ZNF397: variants seen among roughly 807,000 people sequenced by gnomAD.
ZNF397 encodes the protein zinc finger and SCAN domain-containing protein 15.
ZNF397 carries 38 observed loss-of-function variants against 50.6 expected under a neutral mutation model. The ratio of observed to expected loss-of-function variants is 0.75; its 90% confidence interval spans 0.58 to 0.98. The LOEUF is 0.98. ZNF397 is among the 50% of genes least tolerant of loss of function. The pLI, the probability that ZNF397 is intolerant of heterozygous loss-of-function variation, is 0.00. For missense variants in ZNF397, 624 were observed against 624.1 expected, an observed-to-expected ratio of 1.00 and a Z score of 0.00; for synonymous variants, 228 against 215.2, an observed-to-expected ratio of 1.06 and a Z score of -0.52.
intron 1 of ZNF397, among the ~76,000 whole-genome samples, chr18:35,242,075 CTT>C (rs1246227062): frequency 6.6e-6 from 1 of 152,156 alleles, no homozygotes; most frequent in African/African-American, 2.4e-5. Flanking sequence ...TAAAGATAGA[CTT>C]TTCTCCTTGA....
chr18:35,250,339 A>G (rs2043556458), downstream of ZNF397, among the ~76,000 whole-genome samples: 1 of 152,178 alleles, frequency 6.6e-6, no homozygotes, highest in African/African-American at 2.4e-5. Context: ...AAGGGGCACC[A>G]ATATAGGGTG....
chr18:35,257,560 A>C lies in ZNF397; in HGVS notation c.818-368A>C, dbSNP rs951858974. On this transcript the variant is annotated intron_variant, in intron 5 of 5. Transcript: ENST00000261333. Reference sequence around the variant, plus strand: ...AGAAAGTGGGACCTTACCAAATACAAAATCTGCTAGCACCTTGAACTTCTC... The same window carrying C: ...AGAAAGTGGGACCTTACCAAATACACAATCTGCTAGCACCTTGAACTTCTC... 5 of 244,506 alleles carry C rather than the reference A, an allele frequency of 2.0e-5. No individual in the cohort carries two copies. In the South Asian group the frequency reaches 2.1e-4, roughly 10 times the overall value. The allele number at this position is 244,506 out of a possible 1,614,324, so 15.1% of individuals were successfully genotyped here. A position where few individuals can be genotyped will look rare whatever the true frequency, so the allele number is the denominator to read the frequency against.
chr18:35,247,675 T>TTTTTTTG lies in ZNF397; in HGVS notation c.*1371_*1372insGTTTTTT. ...CACAATATCTTTTGCAATTTTTTTT[T>TTTTTTTG]TTTTTTTTTTTTTTTTGAGATGGAG... On this transcript the variant is annotated 3_prime_UTR_variant, in exon 4 of 4. Coordinates refer to ENST00000330501, the MANE Select transcript of ZNF397 (RefSeq NM_001135178.3). The TTTTTTTG allele has an allele frequency of 7.5e-6, 1 of 133,696 alleles. No individual in the cohort carries two copies. The highest frequency in any genetic ancestry group is 1.6e-5 in the Non-Finnish European group (1 of 62,782). 8.3% of individuals were successfully genotyped at this position (133,696 alleles called of 1,614,324 possible). A position where few individuals can be genotyped will look rare whatever the true frequency, so the allele number is the denominator to read the frequency against.
In ZNF397 at chr18:35,247,189, A is replaced by C; in HGVS notation, c.*879A>C. 1.0e-6 allele frequency: 1 copy of C among 985,386 alleles called. No individual in the cohort carries two copies. Among genetic ancestry groups the C allele is most frequent in the Non-Finnish European group, 1.2e-6 (1 of 829,886 alleles). 61.0% of individuals were successfully genotyped at this position (985,386 alleles called of 1,614,324 possible). Reference sequence around the variant, plus strand: ...GAAGTCTGGGTCTGGCCAGACTCTTAAGCAGTGCCAATGGAGAAGTTCCTG... The same window carrying C: ...GAAGTCTGGGTCTGGCCAGACTCTTCAGCAGTGCCAATGGAGAAGTTCCTG... On this transcript the variant is annotated 3_prime_UTR_variant, in exon 4 of 4. Transcript: ENST00000330501.
Position 35,243,250 on chromosome 18 carries a change from GAC to G in ZNF397, c.517_518del (p.Gln173AlafsTer11). The G allele has an allele frequency of 6.2e-7, 1 of 1,614,170 alleles. No homozygotes were observed. The highest frequency in any genetic ancestry group is 8.5e-7 in the Non-Finnish European group (1 of 1,180,032). The part of the protein sequence containing the change: ...STDIHLQPLK[T>X]QLKSWKPCLS... ...CAGACATCCACCTCCAGCCCTTAAA[GAC>G]ACAGCTGAAATCCTGGAAACCATGC... is the stretch of plus-strand genomic sequence containing the variant. On this transcript the variant is annotated frameshift_variant, in exon 3 of 4. Coordinates refer to ENST00000330501, the MANE Select transcript of ZNF397 (RefSeq NM_001135178.3). LOFTEE classifies it high-confidence loss of function.
intron 5 of ZNF397, among the ~76,000 whole-genome samples, chr18:35,256,798 G>C (rs1408036684): frequency 6.6e-6 from 1 of 152,114 alleles, no homozygotes; most frequent in African/African-American, 2.4e-5. Context: ...TTTTGAAACA[G>C]AGTCTTGCTC....
In ZNF397 at chr18:35,245,691, T is replaced by C. The variant is rs1443296325; in HGVS notation, c.986T>C (p.Ile329Thr). The C allele has an allele frequency of 1.3e-6, 2 of 1,552,346 alleles. No homozygotes were observed. Among genetic ancestry groups the C allele is most frequent in the Admixed American group, 3.9e-5 (2 of 51,022 alleles). Residue 329 changes from isoleucine to threonine, a missense_variant, in exon 4 of 4, where the codon ATT (isoleucine) becomes ACT (threonine). Physicochemically the swap from Ile to Thr is moderately conservative, Grantham distance 89 (BLOSUM62 -1). Transcript: ENST00000330501. ...GKAFSLRSYL[I>T]IHQRIHSGEK... ...GCCTTTAGTTTGAGGTCCTATCTTATTATTCATCAGAGAATTCATAGTGGT... is the reference window on the plus strand; with the variant it reads ...GCCTTTAGTTTGAGGTCCTATCTTACTATTCATCAGAGAATTCATAGTGGT...
downstream of ZNF397, chr18:35,254,392 G>C (rs2043716329): frequency 3.0e-5 from 49 of 1,613,942 alleles, no homozygotes; most frequent in Non-Finnish European, 4.2e-5. Context: ...CTAAAAATGT[G>C]AATAGAAAGT....
chr18:35,252,714 C>T (rs896077725), downstream of ZNF397: 3 of 152,116 alleles, frequency 2.0e-5, no homozygotes, highest in African/African-American at 7.2e-5. Context: ...CCGCATTTTT[C>T]CTACCAAAGC....
Position 35,245,553 on chromosome 18 carries a change from G to C in ZNF397, c.848G>C (p.Arg283Thr), listed in dbSNP as rs2043462915. 2 of 1,552,478 alleles carry C rather than the reference G, an allele frequency of 1.3e-6. No individual in the cohort carries two copies. Among genetic ancestry groups the C allele is most frequent in the Non-Finnish European group, 1.7e-6 (2 of 1,147,228 alleles). ...IMCQKVPPEERPYRCDVCGHS... is the reference protein window; with the variant it reads ...IMCQKVPPEETPYRCDVCGHS... ...TGTCAGAAAGTTCCTCCAGAAGAGA[G>C]ACCTTATAGATGTGATGTATGTGGG... is the stretch of plus-strand genomic sequence containing the variant. The change falls in exon 4 of 4, where the codon AGA (arginine) becomes ACA (threonine). Residue 283 changes from arginine (R) to threonine (T), a missense_variant. Coordinates refer to ENST00000330501, the MANE Select transcript of ZNF397 (RefSeq NM_001135178.3).
At position 35,246,438 on chromosome 18, in the gene ZNF397, G is replaced by T; in HGVS notation, c.*128G>T. 3 of 1,444,454 alleles carry T rather than the reference G, an allele frequency of 2.1e-6. No individual in the cohort carries two copies. Among genetic ancestry groups the T allele is most frequent in the Non-Finnish European group, 2.7e-6 (3 of 1,101,020 alleles). 89.5% of individuals were successfully genotyped at this position (1,444,454 alleles called of 1,614,324 possible). A position where few individuals can be genotyped will look rare whatever the true frequency, so the allele number is the denominator to read the frequency against. On this transcript the variant is annotated 3_prime_UTR_variant, in exon 4 of 4. Coordinates refer to ENST00000330501, the MANE Select transcript of ZNF397 (RefSeq NM_001135178.3). ...CTAGGTCTTGAGTCTAGCTTGCTTT[G>T]TGCAGCATTTCCCAGTGCTAATGTA... is the stretch of plus-strand genomic sequence containing the variant.
chr18:35,243,453 G>A, intron 3 of ZNF397, 160 bp downstream of exon 3: 1 of 924,330 alleles, frequency 1.1e-6, no homozygotes, highest in Non-Finnish European at 1.7e-6. Flanking sequence ...CACCCCTCAT[G>A]AATTGCTGTC....
At chr18:35,250,672 G>A (rs1418675145), downstream of ZNF397, among the ~76,000 whole-genome samples, 1 of 152,168 alleles carries the variant, frequency 6.6e-6, no homozygotes, top group Non-Finnish European at 1.5e-5. Context: ...GGAGGAGGTG[G>A]TCATGGCAGG....
Position 35,242,839 on chromosome 18 carries a change from C to T in ZNF397, c.369C>T (p.Thr123=), listed in dbSNP as rs776688902. 2.3e-5 allele frequency: 37 copies of T among 1,613,486 alleles called. No homozygotes were observed. Among genetic ancestry groups the T allele is most frequent in the Admixed American group, 3.3e-5 (2 of 59,960 alleles). ...CAGAAAGCGGCGAGGAAGCTGTGAC[C>T]CTGTTGGAGGATTTAGAGAGGGAGT... The part of the protein sequence containing the change: ...HNPESGEEAV[T]LLEDLEREFD... Residue 123 remains threonine (T), a synonymous_variant, in exon 2 of 4, where the codon ACC becomes ACT. Transcript: ENST00000330501.
At chr18:35,244,944 A>T (rs1042413280) in intron 3 of ZNF397, among the ~76,000 whole-genome samples, 18 of 152,206 alleles carry the variant, frequency 1.2e-4, no homozygotes, top group African/African-American at 4.3e-4. Flanking sequence ...GGTTGATTTT[A>T]AAAGGTGAGA....
downstream of ZNF397, chr18:35,252,443 G>C (rs964256049): frequency 1.3e-5 from 2 of 152,134 alleles, no homozygotes; most frequent in East Asian, 3.8e-4. Flanking sequence ...TACCAGGCTT[G>C]CAGGCCCTGA....
At position 35,242,059 on chromosome 18, in the gene ZNF397, A is replaced by G. The variant is rs954870708; in HGVS notation, c.-80-332A>G. The stretch of plus-strand genomic sequence containing the variant: ...AGTTCTACAAGTTTTATTAATACAT[A>G]CATGTTAAAGATAGACTTTTCTCCT... On this transcript the variant is annotated intron_variant, in intron 1 of 3. Transcript: ENST00000330501. Among the ~76,000 whole-genome samples the G allele has an allele frequency of 2.6e-5, 4 of 152,238 alleles. No individual in the cohort carries two copies. In the East Asian group the frequency reaches 7.7e-4, roughly 29 times the overall value.
intron 1 of ZNF397, 107 bp from the exon 2 acceptor site, chr18:35,242,284 C>T (rs1292996159): frequency 3.8e-6 from 2 of 522,428 alleles, no homozygotes; most frequent in Non-Finnish European, 3.3e-6. Flanking sequence ...GTGATAGCCC[C>T]AAATCTACTC....
At position 35,245,583 on chromosome 18, in the gene ZNF397, G is replaced by A; in HGVS notation, c.878G>A (p.Ser293Asn). The part of the protein sequence containing the change: ...RPYRCDVCGH[S>N]FKQHSSLTQH... Reference sequence around the variant, plus strand: ...TATAGATGTGATGTATGTGGGCACAGCTTCAAGCAGCATTCCTCTCTAACA... The same window carrying A: ...TATAGATGTGATGTATGTGGGCACAACTTCAAGCAGCATTCCTCTCTAACA... The change falls in exon 4 of 4, where the codon AGC becomes AAC. Residue 293 changes from serine (S) to asparagine (N), a missense_variant. Coordinates refer to ENST00000330501, the MANE Select transcript of ZNF397 (RefSeq NM_001135178.3). The A allele has an allele frequency of 1.3e-6, 2 of 1,552,834 alleles. No homozygotes were observed. Among genetic ancestry groups the A allele is most frequent in the Non-Finnish European group, 1.7e-6 (2 of 1,147,466 alleles).
Sources: gnomAD v4.1 joint callset for allele counts (sites outside exome capture counted in the v4.1 genomes callset) on GRCh38, gnomAD v4.1.1 for gene constraint, MANE v1.5 for transcripts, NCBI Gene and HGNC (gene_info 2026-07-23, HGNC 2026-07-21) for gene names.